The following LOC400499 variants were observed in gnomAD, a reference collection of about 807,000 sequenced individuals.
At chr16:11,471,789 G>A in the LOC400499 span, 4 of 399,192 alleles carry the variant, frequency 1.0e-5, no homozygotes, top group Admixed American at 1.3e-4. Flanking sequence ...TCACTCCAGT[G>A]CACAGTCGCC....
At chr16:11,457,012 C>T in the LOC400499 span, 1 of 1,533,636 alleles carries the variant, frequency 6.5e-7, no homozygotes, top group African/African-American at 1.4e-5. Context: ...CGGCAATCCA[C>T]CTGCCTCTCA....
chr16:11,428,274 C>T, the LOC400499 span, among the ~76,000 whole-genome samples: 2 of 152,198 alleles, frequency 1.3e-5, no homozygotes, highest in Non-Finnish European at 2.9e-5. Flanking sequence ...CAGGTTCAAG[C>T]GACTCTCCTG....
chr16:11,447,112 C>T, the LOC400499 span, among the ~76,000 whole-genome samples: 1 of 152,128 alleles, frequency 6.6e-6, no homozygotes, highest in Non-Finnish European at 1.5e-5. Context: ...CTCACTGTGC[C>T]AGAGAAGTGG....
the LOC400499 span, among the ~76,000 whole-genome samples, chr16:11,425,825 G>A: frequency 1.3e-5 from 2 of 152,140 alleles, no homozygotes; most frequent in African/African-American, 4.8e-5. Context: ...AAAGAGAAGA[G>A]ATGAGGATAC....
the LOC400499 span, among the ~76,000 whole-genome samples, chr16:11,382,378 C>G: frequency 2.0e-5 from 3 of 151,846 alleles, no homozygotes; most frequent in African/African-American, 7.3e-5. Flanking sequence ...TCTTGGAAGC[C>G]TACTCCTGTT....
the LOC400499 span, among the ~76,000 whole-genome samples, chr16:11,464,919 A>G: frequency 1.3e-5 from 2 of 152,228 alleles, no homozygotes; most frequent in Non-Finnish European, 2.9e-5. Flanking sequence ...AGTCTCAGCC[A>G]TCAGGCAGGT....
chr16:11,477,022 C>T, the LOC400499 span: 1 of 400,292 alleles, frequency 2.5e-6, no homozygotes, highest in Non-Finnish European at 4.4e-6. Flanking sequence ...CCCAGCAGCC[C>T]CCTGCAGTCC....
chr16:11,498,112 G>C, the LOC400499 span, among the ~76,000 whole-genome samples: 1 of 152,242 alleles, frequency 6.6e-6, no homozygotes, highest in East Asian at 1.9e-4. Context: ...GGGACCTGGG[G>C]GAGATCAAAC....
the LOC400499 span, among the ~76,000 whole-genome samples, chr16:11,439,217 A>G: frequency 6.6e-6 from 1 of 152,120 alleles, no homozygotes; most frequent in African/African-American, 2.4e-5. Flanking sequence ...TTTGGAGGAA[A>G]ACTCTGCTTC....
the LOC400499 span, among the ~76,000 whole-genome samples, chr16:11,454,552 C>G: frequency 3.9e-5 from 6 of 152,184 alleles, no homozygotes; most frequent in African/African-American, 1.2e-4. Flanking sequence ...CGGCTGTAAG[C>G]CAAGGAACAC....
chr16:11,456,363 T>C, the LOC400499 span, among the ~76,000 whole-genome samples: 2 of 151,514 alleles, frequency 1.3e-5, no homozygotes, highest in African/African-American at 4.9e-5. Context: ...ATTCATTTTT[T>C]AAAAGTGACA....
the LOC400499 span, chr16:11,460,890 G>A: frequency 6.9e-7 from 1 of 1,443,748 alleles, no homozygotes; most frequent in Non-Finnish European, 9.1e-7. Flanking sequence ...TCAGCTCACG[G>A]AGCCACAGCC....
chr16:11,385,965 G>A, the LOC400499 span, among the ~76,000 whole-genome samples: 2 of 152,190 alleles, frequency 1.3e-5, no homozygotes, highest in Non-Finnish European at 2.9e-5. Context: ...GAGCCCAGAA[G>A]GTCAAAGCTA....
the LOC400499 span, among the ~76,000 whole-genome samples, chr16:11,386,812 A>C: frequency 1.3e-5 from 2 of 152,176 alleles, no homozygotes; most frequent in Non-Finnish European, 2.9e-5. Context: ...GGCGAGTCTG[A>C]AGTCAGTCAG....
chr16:11,388,944 G>A, the LOC400499 span, among the ~76,000 whole-genome samples: 1 of 152,238 alleles, frequency 6.6e-6, no homozygotes, highest in East Asian at 1.9e-4. Flanking sequence ...AAAATTCGCT[G>A]GGCTTGGTGG....
At chr16:11,478,970 C>A in the LOC400499 span, among the ~76,000 whole-genome samples, 2 of 152,220 alleles carry the variant, frequency 1.3e-5, no homozygotes, top group African/African-American at 4.8e-5. Context: ...GACTTCCTCT[C>A]CTTGCCTTCC....
At chr16:11,428,956 T>A in the LOC400499 span, among the ~76,000 whole-genome samples, 3 of 152,080 alleles carry the variant, frequency 2.0e-5, no homozygotes, top group Admixed American at 1.3e-4. Context: ...GGAGAAGCCA[T>A]CTCGTAGGGA....
At chr16:11,521,922 G>C in the LOC400499 span, 5 of 399,002 alleles carry the variant, frequency 1.3e-5, no homozygotes, top group African/African-American at 4.1e-5. Flanking sequence ...CAGCATCAAC[G>C]TGATCTCCCG....
At chr16:11,387,486 C>T in the LOC400499 span, among the ~76,000 whole-genome samples, 8 of 152,120 alleles carry the variant, frequency 5.3e-5, no homozygotes, top group Admixed American at 1.3e-4. Flanking sequence ...GGCATGACAA[C>T]GGAGGTGGTA....
Sources: gnomAD v4.1 joint callset for allele counts (sites outside exome capture counted in the v4.1 genomes callset) on GRCh38, gnomAD v4.1.1 for gene constraint, MANE v1.5 for transcripts.